The following COL25A1 variants were observed in gnomAD, a reference collection of about 807,000 sequenced individuals.
The protein encoded by COL25A1 is collagen type XXV alpha 1 chain.
Under a neutral mutation model 128.4 loss-of-function variants are expected in COL25A1, and 103 were observed. That is an observed-to-expected ratio of 0.80 (90% CI 0.68 to 0.94). The LOEUF (loss-of-function observed/expected upper bound fraction) is 0.94. COL25A1 is among the 40% of genes least tolerant of loss of function. COL25A1 has a pLI of 0.00. For missense variants in COL25A1, 745 were observed against 840.0 expected (o/e 0.89, Z 1.40); for synonymous variants, 279 against 277.2 (o/e 1.01, Z -0.06).
chr4:109,201,590 A>G (rs952939317), intron 3 of COL25A1, among the ~76,000 whole-genome samples: 2 of 152,216 alleles, frequency 1.3e-5, no homozygotes, highest in African/African-American at 4.8e-5. Context: ...CAAGGCAAGA[A>G]TGTCCCTTCC....
intron 3 of COL25A1, among the ~76,000 whole-genome samples, chr4:109,156,344 G>C (rs1055148203): frequency 3.3e-5 from 5 of 152,184 alleles, no homozygotes; most frequent in Admixed American, 1.3e-4. Context: ...AAGCCGGCTT[G>C]ATTTTTTTCC....
chr4:109,101,855 C>G (rs1765925742), intron 3 of COL25A1, among the ~76,000 whole-genome samples: 1 of 152,176 alleles, frequency 6.6e-6, no homozygotes, highest in Non-Finnish European at 1.5e-5. Flanking sequence ...TACTGAGCTA[C>G]AGATGAAATG....
At chr4:108,958,541 C>A (rs1344369374) in intron 8 of COL25A1, among the ~76,000 whole-genome samples, 1 of 151,720 alleles carries the variant, frequency 6.6e-6, no homozygotes, top group Admixed American at 6.6e-5. Context: ...TTAAAAAAAA[C>A]CTCTAGGAAA....
intron 16 of COL25A1, among the ~76,000 whole-genome samples, chr4:108,893,104 G>A (rs1023401584): frequency 6.6e-5 from 10 of 152,106 alleles, no homozygotes; most frequent in African/African-American, 2.4e-4. Flanking sequence ...AGTCAAAGAC[G>A]CATTTTCATA....
chr4:108,980,038 A>G (rs1752818105), intron 6 of COL25A1, among the ~76,000 whole-genome samples: 2 of 152,310 alleles, frequency 1.3e-5, no homozygotes, highest in Admixed American at 6.5e-5. Context: ...AAAGGAGTTC[A>G]GGGTGGTAAG....
chr4:108,967,946 C>T (rs773125328), intron 8 of COL25A1, among the ~76,000 whole-genome samples: 11 of 152,080 alleles, frequency 7.2e-5, no homozygotes, highest in African/African-American at 1.2e-4. Context: ...TCTTTACGCC[C>T]GGATACTCTA....
chr4:108,974,348 T>C lies in COL25A1; in HGVS notation c.492+19A>G, dbSNP rs2125988588. The C allele has an allele frequency of 3.7e-6, 6 of 1,613,430 alleles. No individual in the cohort carries two copies. Among genetic ancestry groups the C allele is most frequent in the Non-Finnish European group, 5.1e-6 (6 of 1,179,412 alleles). ...TTAGAAACTAATTTTCCGCCCAAGATAGGTAGAGCACAACTTACCCTAGGT... is the reference window on the plus strand; with the variant it reads ...TTAGAAACTAATTTTCCGCCCAAGACAGGTAGAGCACAACTTACCCTAGGT... On this transcript the variant is annotated intron_variant, in intron 8 of 37. Coordinates refer to ENST00000399132, the MANE Select transcript of COL25A1 (RefSeq NM_198721.4).
At chr4:109,181,467 T>G (rs1774621529) in intron 3 of COL25A1, among the ~76,000 whole-genome samples, 1 of 152,104 alleles carries the variant, frequency 6.6e-6, no homozygotes, top group Non-Finnish European at 1.5e-5. Flanking sequence ...TGTAAAGATA[T>G]CAGATTATAT....
intron 3 of COL25A1, among the ~76,000 whole-genome samples, chr4:109,079,384 G>A (rs1057232432): frequency 1.3e-5 from 2 of 152,066 alleles, no homozygotes; most frequent in African/African-American, 4.8e-5. Context: ...ATTTTTTATA[G>A]CCATTTGAGC....
At chr4:108,953,423 A>C (rs1047448320) in intron 8 of COL25A1, among the ~76,000 whole-genome samples, 1 of 152,184 alleles carries the variant, frequency 6.6e-6, no homozygotes, top group Non-Finnish European at 1.5e-5. Context: ...TAAAATATTT[A>C]TTGCAATTTA....
intron 8 of COL25A1, among the ~76,000 whole-genome samples, chr4:108,958,438 AATATG>A (rs1750312875): frequency 6.6e-6 from 1 of 152,126 alleles, no homozygotes; most frequent in African/African-American, 2.4e-5. Flanking sequence ...TATGCAACTA[AATATG>A]ATATGATTCT....
At chr4:109,095,484 GTGGTT>G (rs1765318359) in intron 3 of COL25A1, among the ~76,000 whole-genome samples, 1 of 152,204 alleles carries the variant, frequency 6.6e-6, no homozygotes, top group South Asian at 2.1e-4. Context: ...AATAGGGACT[GTGGTT>G]CTCTTTTGAC....
chr4:109,023,822 C>CAGA (rs1393878272), intron 5 of COL25A1, among the ~76,000 whole-genome samples: 1 of 152,106 alleles, frequency 6.6e-6, no homozygotes, highest in African/African-American at 2.4e-5. Context: ...TGCTGTCTTC[C>CAGA]AGAAGAACAC....
At chr4:108,998,562 T>C (rs2126024622) in intron 6 of COL25A1, among the ~76,000 whole-genome samples, 1 of 152,282 alleles carries the variant, frequency 6.6e-6, no homozygotes, top group East Asian at 1.9e-4. Context: ...ATAGATTCAA[T>C]GCTATCCCCA....
Position 108,862,542 on chromosome 4 carries a change from T to C in COL25A1, c.1156A>G (p.Lys386Glu), listed in dbSNP as rs1376271505. ...CCTCTAGTTCCTGATTCACCTTGTT[T>C]CCCCTATTACAGCAGAATAAGAGGA... ...GEPGAPGPKGKQGESGTRGPK... is the reference protein window; with the variant it reads ...GEPGAPGPKGEQGESGTRGPK... The change falls in exon 22 of 38, where the codon AAA becomes GAA. Residue 386 changes from lysine to glutamate, a missense_variant. This residue lies in a region of COL25A1 where 387 missense variants were observed against 441.9 expected (regional missense o/e 0.88). Transcript: ENST00000399132. 6.2e-7 allele frequency: 1 copy of C among 1,611,214 alleles called. No homozygotes were observed.
intron 16 of COL25A1, among the ~76,000 whole-genome samples, chr4:108,895,906 A>G (rs922659804): frequency 6.4e-5 from 8 of 125,616 alleles, no homozygotes; most frequent in Non-Finnish European, 1.2e-4. Flanking sequence ...CCCAAAGTCC[A>G]TTATATATCA....
intron 6 of COL25A1, among the ~76,000 whole-genome samples, chr4:108,994,192 C>T (rs898953217): frequency 6.6e-6 from 1 of 152,220 alleles, no homozygotes; most frequent in Non-Finnish European, 1.5e-5. Context: ...GGGGATTTCC[C>T]TTTCCTAGCC....
intron 16 of COL25A1, 29 bp from the exon 17 acceptor site, chr4:108,889,762 C>T: frequency 6.2e-7 from 1 of 1,606,624 alleles, no homozygotes; most frequent in Non-Finnish European, 8.5e-7. Flanking sequence ...GAGATTATCT[C>T]ACAAGTTATG....
intron 8 of COL25A1, among the ~76,000 whole-genome samples, chr4:108,956,452 C>T (rs1298712399): frequency 3.3e-5 from 5 of 152,230 alleles, no homozygotes; most frequent in Non-Finnish European, 5.9e-5. Flanking sequence ...ACCTCCCAGA[C>T]TGGAGTGCAA....
Sources: allele counts gnomAD v4.1 joint callset (sites outside exome capture counted in the v4.1 genomes callset), GRCh38; gene constraint gnomAD v4.1.1; regional missense constraint gnomAD v4.1.1; transcripts MANE v1.5; gene names NCBI Gene and HGNC (gene_info 2026-07-23, HGNC 2026-07-21).